The following TXNRD2 variants were observed in gnomAD, a reference collection of about 807,000 sequenced individuals.
TXNRD2 encodes thioredoxin reductase 2, also known as thioredoxin reductase 2, mitochondrial.
In TXNRD2, 67 loss-of-function variants were observed where a neutral mutation model predicts 70.8. The observed-to-expected ratio is 0.95, with a 90% CI of 0.78 to 1.16. The LOEUF is 1.16. Among genes scored for constraint, TXNRD2 ranks in the 50% most tolerant of loss-of-function variants. The probability of loss-of-function intolerance (pLI) is 0.00; values close to 1 mark genes in which losing one functional copy is unlikely to be tolerated. For synonymous variants in TXNRD2, 301 were observed against 295.8 expected (o/e 1.02, Z -0.18); for missense variants, 644 against 719.9 (o/e 0.89, Z 1.21).
chr22:19,919,693 G>A (rs1050396014), intron 2 of TXNRD2, 94 bp from the exon 3 acceptor site: 1 of 1,158,918 alleles, frequency 8.6e-7, no homozygotes, highest in South Asian at 1.3e-5. Flanking sequence ...CCAGAAGAGT[G>A]TGGGCAGGGC....
intron 11 of TXNRD2, among the ~76,000 whole-genome samples, chr22:19,888,979 T>C (rs1416840446): frequency 6.6e-6 from 1 of 150,850 alleles, no homozygotes; most frequent in Non-Finnish European, 1.5e-5. Context: ...GCACCTGCCC[T>C]GCTGGCCTCA....
intron 2 of TXNRD2, among the ~76,000 whole-genome samples, chr22:19,927,609 G>T (rs1941196342): frequency 1.5e-5 from 2 of 133,914 alleles, no homozygotes. Context: ...AGCCGAGATT[G>T]CACCATTTAC....
At chr22:19,883,823 C>T (rs1938898936) in intron 11 of TXNRD2, 1 of 325,322 alleles carries the variant, frequency 3.1e-6, no homozygotes, top group South Asian at 2.7e-5. Flanking sequence ...CGTAGTGGTG[C>T]ACACCTATAG....
At chr22:19,907,023 G>A (rs1301439878) in intron 8 of TXNRD2, among the ~76,000 whole-genome samples, 6 of 85,256 alleles carry the variant, frequency 7.0e-5, no homozygotes, top group Admixed American at 3.0e-4. Flanking sequence ...TGGGCGCACC[G>A]TAAGTAGCAG....
intron 11 of TXNRD2, chr22:19,883,842 A>G (rs1002983057): frequency 4.1e-6 from 1 of 241,714 alleles, no homozygotes; most frequent in Non-Finnish European, 8.3e-6. Context: ...AGTCCCAGCT[A>G]CTCGGGAGGT....
At chr22:19,902,941 C>A in intron 8 of TXNRD2, 1 of 518,854 alleles carries the variant, frequency 1.9e-6, no homozygotes, top group South Asian at 1.4e-5. Flanking sequence ...ACCTGGCTGG[C>A]TTCCGGACTT....
rs370805689 is a variant in TXNRD2 at position 19,878,448 on chromosome 22, G to A, written c.1276-11C>T. On this transcript the variant is annotated splice_polypyrimidine_tract_variant and intron_variant, in intron 14 of 17. Coordinates refer to ENST00000400521, the MANE Select transcript of TXNRD2 (RefSeq NM_006440.5). The stretch of plus-strand genomic sequence containing the variant: ...ATGGGCGTGATAGACCTGAGGACAG[G>A]ATACCAACCCTGGATCAGTGCTGCG... 9.3e-6 allele frequency: 15 copies of A among 1,613,178 alleles called. No individual in the cohort carries two copies. The highest frequency in any genetic ancestry group is 1.2e-5 in the Non-Finnish European group (14 of 1,179,720).
At chr22:19,890,862 T>A (rs998856661) in intron 11 of TXNRD2, among the ~76,000 whole-genome samples, 1 of 152,202 alleles carries the variant, frequency 6.6e-6, no homozygotes, top group African/African-American at 2.4e-5. Context: ...AAACAGTGCC[T>A]GGGTGGAGAG....
chr22:19,924,998 C>T (rs1314711672), intron 2 of TXNRD2, among the ~76,000 whole-genome samples: 2 of 147,130 alleles, frequency 1.4e-5, no homozygotes, highest in East Asian at 2.0e-4. Context: ...AAAAAAAAAG[C>T]GGGGGGCCAG....
intron 1 of TXNRD2, among the ~76,000 whole-genome samples, chr22:19,933,901 T>A (rs1355560351): frequency 6.6e-6 from 1 of 152,236 alleles, no homozygotes; most frequent in Non-Finnish European, 1.5e-5. Flanking sequence ...AGCAAGTGTC[T>A]GTCTTGCCTC....
In TXNRD2 at chr22:19,877,304, G is replaced by A. The variant is rs116583868; in HGVS notation, c.1446-70C>T. The A allele has an allele frequency of 1.5e-3, 2,050 of 1,394,254 alleles. 23 individuals are homozygous for A. In the African/African-American group the frequency reaches 0.026, roughly 18 times the overall value. 86.4% of individuals were successfully genotyped at this position (1,394,254 alleles called of 1,614,324 possible). Reference sequence around the variant, plus strand: ...GGGGGGTCCACAGCATCCCACCCCCGGGAAGAGGAGGGCCTCAGAGGCTGC... The same window carrying A: ...GGGGGGTCCACAGCATCCCACCCCCAGGAAGAGGAGGGCCTCAGAGGCTGC... On this transcript the variant is annotated intron_variant, in intron 16 of 17. Coordinates refer to ENST00000400521, the MANE Select transcript of TXNRD2 (RefSeq NM_006440.5).
chr22:19,915,458 G>A (rs886411753), intron 6 of TXNRD2, among the ~76,000 whole-genome samples, 182 bp from the exon 7 acceptor site: 4 of 152,206 alleles, frequency 2.6e-5, no homozygotes, highest in Non-Finnish European at 5.9e-5. Context: ...AGCCTGGCAG[G>A]AGGGGGACAG....
chr22:19,918,971 T>C lies in TXNRD2; in HGVS notation c.263A>G (p.Asn88Ser), dbSNP rs1488694093. Residue 88 changes from asparagine (N) to serine (S), a missense_variant, in exon 4 of 18, where the codon AAC (asparagine) becomes AGC (serine). This residue lies in a region of TXNRD2 where 566 missense variants were observed against 645.0 expected (regional missense o/e 0.88). Coordinates refer to ENST00000400521, the MANE Select transcript of TXNRD2 (RefSeq NM_006440.5). ...CAGCTTCTTGGGGATGCAGCCCACG[T>C]TGACGCAGGTGCCGCCGAGGCCCCA... The part of the protein sequence containing the change: ...TRWGLGGTCV[N>S]VGCIPKKLMH... 5 of 1,612,150 alleles carry C rather than the reference T, an allele frequency of 3.1e-6. No individual in the cohort carries two copies. Among genetic ancestry groups the C allele is most frequent in the Non-Finnish European group, 4.2e-6 (5 of 1,179,864 alleles).
chr22:19,925,774 C>G (rs900689838), intron 2 of TXNRD2, among the ~76,000 whole-genome samples: 1 of 151,848 alleles, frequency 6.6e-6, no homozygotes, highest in African/African-American at 2.4e-5. Flanking sequence ...TCTTGGATTT[C>G]TTAGCTATGA....
At chr22:19,880,121 C>A (rs903165749) in intron 14 of TXNRD2, 58 bp downstream of exon 14, 4 of 1,567,734 alleles carry the variant, frequency 2.6e-6, no homozygotes, top group Non-Finnish European at 3.5e-6. Flanking sequence ...CCGCCCAGAG[C>A]ATGGGGTGAG....
rs377598025 is a variant in TXNRD2, at chr22:19,880,647, G to A, written c.1157C>T (p.Ser386Phe). 1.9e-6 allele frequency: 3 copies of A among 1,613,338 alleles called. No individual in the cohort carries two copies. The East Asian group carries it at 6.7e-5, about 36-fold the overall frequency. ...ATTGTCGTAGTCCATCAGATCTGAG[G>A]ACCCGCCGAAGAGCCGCTGCACCAG... ...RLLVQRLFGG[S>F]SDLMDYDNVP... is the part of the protein sequence containing the mutation. The change falls in exon 13 of 18, where the codon TCC (serine) becomes TTC (phenylalanine). Residue 386 changes from serine to phenylalanine, a missense_variant. By Grantham distance (155) the Ser-to-Phe change is radical. Transcript: ENST00000400521.
At chr22:19,925,302 AAAC>A (rs1555914272) in intron 2 of TXNRD2, among the ~76,000 whole-genome samples, 1 of 151,750 alleles carries the variant, frequency 6.6e-6, no homozygotes, top group African/African-American at 2.4e-5. Flanking sequence ...AAACAAAACA[AAAC>A]AACAACAACA....
chr22:19,929,116 A>G (rs190933730), intron 2 of TXNRD2, among the ~76,000 whole-genome samples: 215 of 151,972 alleles, frequency 1.4e-3, no homozygotes, highest in African/African-American at 5.0e-3. Flanking sequence ...TCATGAGGTC[A>G]GGAGATTGAG....
At chr22:19,939,095 G>T (rs796493914) in intron 1 of TXNRD2, among the ~76,000 whole-genome samples, 1 of 152,174 alleles carries the variant, frequency 6.6e-6, no homozygotes, top group Non-Finnish European at 1.5e-5. Flanking sequence ...CCAGGAGATC[G>T]TCAATCCCGT....
Sources: allele counts gnomAD v4.1 joint callset (sites outside exome capture counted in the v4.1 genomes callset), GRCh38; gene constraint gnomAD v4.1.1; regional missense constraint gnomAD v4.1.1; transcripts MANE v1.5; gene names NCBI Gene and HGNC (gene_info 2026-07-23, HGNC 2026-07-21).